Variants in HECA observed in about 807,000 individuals in gnomAD.
HECA encodes headcase protein homolog.
Under a neutral mutation model 37.6 loss-of-function variants are expected in HECA, and 13 were observed. That is an observed-to-expected ratio of 0.35 (90% CI 0.23 to 0.55). HECA has a LOEUF of 0.55. Ranked by LOEUF, HECA falls within the 20% of genes least tolerant of loss-of-function variation. The pLI, the probability that HECA is intolerant of heterozygous loss-of-function variation, is 0.90. For synonymous variants in HECA, 307 were observed against 291.5 expected (o/e 1.05, Z -0.54); for missense variants, 527 against 701.9 (o/e 0.75, Z 2.82).
chr6:139,152,418 A>ATGTGTGTGTGTGTG (rs56410451), intron 1 of HECA, among the ~76,000 whole-genome samples: 4,715 of 147,492 alleles, frequency 0.032, 148 homozygotes, highest in African/African-American at 0.072. Context: ...GAAGCATTGG[A>ATGTGTGTGTGTGTG]TGTGTGTGTG....
chr6:139,157,156 C>T lies in HECA; in HGVS notation c.272-9128C>T, dbSNP rs1236495484. On this transcript the variant is annotated intron_variant, in intron 1 of 3. Coordinates refer to ENST00000367658, the MANE Select transcript of HECA (RefSeq NM_016217.3). Reference sequence around the variant, plus strand: ...TAGACCATATAGGGTAACTTCCTGACGTTGCCATGGCATTTGTAAACTTGT... The same window carrying T: ...TAGACCATATAGGGTAACTTCCTGATGTTGCCATGGCATTTGTAAACTTGT... 4.6e-5 allele frequency among the ~76,000 whole-genome samples: 7 copies of T among 152,336 alleles called. No individual in the cohort carries two copies. The East Asian group carries it at 7.7e-4, about 17-fold the overall frequency.
At chr6:139,136,658 C>T (rs1774450732) in intron 1 of HECA, among the ~76,000 whole-genome samples, 2 of 147,076 alleles carry the variant, frequency 1.4e-5, no homozygotes, top group East Asian at 2.0e-4. Context: ...TTTTTTTAGA[C>T]GGAGTTTGCA....
At chr6:139,149,009 C>G (rs886534880) in intron 1 of HECA, among the ~76,000 whole-genome samples, 1 of 152,170 alleles carries the variant, frequency 6.6e-6, no homozygotes, top group Non-Finnish European at 1.5e-5. Context: ...ACTGAGGCCT[C>G]TTAAGGCTAA....
At chr6:139,136,928 C>G (rs1329209373) in intron 1 of HECA, among the ~76,000 whole-genome samples, 4 of 152,022 alleles carry the variant, frequency 2.6e-5, no homozygotes, top group Non-Finnish European at 5.9e-5. Context: ...GTCACCACGC[C>G]CAGCCAGATC....
At chr6:139,144,710 G>A (rs1306314324) in intron 1 of HECA, 8 of 152,252 alleles carry the variant, frequency 5.3e-5, no homozygotes, top group Admixed American at 5.2e-4. Flanking sequence ...TTAACAGAAT[G>A]AGTATCTTTT....
intron 2 of HECA, 83 bp from the exon 3 acceptor site, chr6:139,174,302 G>T: frequency 2.1e-6 from 3 of 1,438,316 alleles, no homozygotes; most frequent in Non-Finnish European, 2.8e-6. Context: ...CTTATAATTG[G>T]TAGATGAAAC....
intron 1 of HECA, among the ~76,000 whole-genome samples, chr6:139,140,948 G>A (rs1271554541): frequency 6.6e-6 from 1 of 152,168 alleles, no homozygotes; most frequent in East Asian, 1.9e-4. Context: ...CCGCCACAAT[G>A]CCCGGCTAAT....
rs1415425426 is a variant in HECA at position 139,135,720 on chromosome 6, G to A, written c.271+53G>A. ...CAACTTCCTCCCCGACGGGGACGGC[G>A]CGGTGGCGGGGCCCTGGGTGGCGCG... On this transcript the variant is annotated intron_variant, in intron 1 of 3. Transcript: ENST00000367658. 38 of 859,956 alleles carry A rather than the reference G, an allele frequency of 4.4e-5. No individual in the cohort carries two copies. In the East Asian group the frequency reaches 3.0e-3, roughly 68 times the overall value. 53.3% of individuals were successfully genotyped at this position (859,956 alleles called of 1,614,324 possible).
At chr6:139,142,475 T>G (rs1774527281) in intron 1 of HECA, among the ~76,000 whole-genome samples, 1 of 152,120 alleles carries the variant, frequency 6.6e-6, no homozygotes, top group Non-Finnish European at 1.5e-5. Context: ...TTCCCCATGG[T>G]CTCATCATTC....
chr6:139,141,203 A>C (rs1386597116), intron 1 of HECA, among the ~76,000 whole-genome samples: 1 of 152,206 alleles, frequency 6.6e-6, no homozygotes, highest in African/African-American at 2.4e-5. Flanking sequence ...TTTCTGGTTA[A>C]ACACATAATT....
chr6:139,141,133 GTTATT>G (rs1010443954), intron 1 of HECA, among the ~76,000 whole-genome samples: 18 of 152,222 alleles, frequency 1.2e-4, no homozygotes, highest in Admixed American at 9.2e-4. Flanking sequence ...AAAATATTGT[GTTATT>G]TTATTATTTT....
Position 139,178,589 on chromosome 6 carries a change from T to C in HECA, c.*1484T>C, listed in dbSNP as rs1009438332. ...GAGTTTCAGTTCTTTTTTTCTTTTT[T>C]TTGAGATGGAGTCTCACTCTTGTCA... On this transcript the variant is annotated 3_prime_UTR_variant, in exon 4 of 4. Transcript: ENST00000367658. The C allele has an allele frequency of 2.3e-5, 2 of 87,466 alleles. No individual in the cohort carries two copies. The highest frequency in any genetic ancestry group is 1.3e-4 in the African/African-American group (2 of 15,688). 5.4% of individuals were successfully genotyped at this position (87,466 alleles called of 1,614,324 possible). A position where few individuals can be genotyped will look rare whatever the true frequency, so the allele number is the denominator to read the frequency against.
chr6:139,171,375 T>C (rs1000240675), intron 2 of HECA, among the ~76,000 whole-genome samples: 3 of 152,176 alleles, frequency 2.0e-5, no homozygotes, highest in Non-Finnish European at 1.5e-5. Flanking sequence ...CATACATAAA[T>C]AGATAATGCG....
chr6:139,170,810 A>G (rs1202871992), intron 2 of HECA, among the ~76,000 whole-genome samples: 1 of 152,076 alleles, frequency 6.6e-6, no homozygotes, highest in African/African-American at 2.4e-5. Flanking sequence ...ACATGGAGGA[A>G]AGGTGCGGGA....
chr6:139,145,007 T>TTGTGG (rs1274628659), intron 1 of HECA, among the ~76,000 whole-genome samples: 1 of 152,240 alleles, frequency 6.6e-6, no homozygotes, highest in African/African-American at 2.4e-5. Flanking sequence ...AGGCAGGGGC[T>TTGTGG]TGTCCCTATG....
At chr6:139,141,582 A>G (rs1169981227) in intron 1 of HECA, among the ~76,000 whole-genome samples, 1 of 152,154 alleles carries the variant, frequency 6.6e-6, no homozygotes, top group Non-Finnish European at 1.5e-5. Flanking sequence ...TTTATTTCTC[A>G]CAGTTCTAGA....
chr6:139,164,536 T>G (rs7762355), intron 1 of HECA, among the ~76,000 whole-genome samples: 82,596 of 151,826 alleles, frequency 0.54, 23,355 homozygotes, highest in Non-Finnish European at 0.58. Context: ...GGCGATGTAG[T>G]TTTTAGCTTC....
chr6:139,177,213 G>A lies in HECA; in HGVS notation c.*108G>A. 1.6e-6 allele frequency: 1 copy of A among 635,906 alleles called. No individual in the cohort carries two copies. Among genetic ancestry groups the A allele is most frequent in the Non-Finnish European group, 2.7e-6 (1 of 371,310 alleles). 39.4% of individuals were successfully genotyped at this position (635,906 alleles called of 1,614,324 possible). A position where few individuals can be genotyped will look rare whatever the true frequency, so the allele number is the denominator to read the frequency against. The stretch of plus-strand genomic sequence containing the variant: ...TTAATTTCCTTTCTAATTTAAAGGA[G>A]AGTTACTTTGTTGTATGTGTGCCAC... On this transcript the variant is annotated 3_prime_UTR_variant, in exon 4 of 4. Coordinates refer to ENST00000367658, the MANE Select transcript of HECA (RefSeq NM_016217.3). The surrounding 1 kb of genome is among the most constrained non-coding windows in gnomAD (Gnocchi z 4.9).
At chr6:139,166,220 A>G (rs1774883375) in intron 1 of HECA, 64 bp from the exon 2 acceptor site, 1 of 1,293,070 alleles carries the variant, frequency 7.7e-7, no homozygotes. Flanking sequence ...TACTGTTGCA[A>G]GTACAGGTTG....
Sources: gnomAD v4.1 joint callset for allele counts (sites outside exome capture counted in the v4.1 genomes callset) on GRCh38, gnomAD v4.1.1 for gene constraint, Gnocchi (gnomAD v3.1) non-coding constraint, MANE v1.5 for transcripts, NCBI Gene and HGNC (gene_info 2026-07-23, HGNC 2026-07-21) for gene names.